BDP1: variants seen among roughly 807,000 people sequenced by gnomAD.
BDP1 encodes the protein transcription factor TFIIIB component B'' homolog.
BDP1 carries 169 observed loss-of-function variants against 266.6 expected under a neutral mutation model. The ratio of observed to expected loss-of-function variants is 0.63; its 90% CI spans 0.56 to 0.72. The LOEUF is 0.72. BDP1 is among the 30% of genes least tolerant of loss of function. The pLI is 0.00. For synonymous variants in BDP1, 1,090 were observed against 1,022.4 expected (o/e 1.07, Z -1.26); for missense variants, 3,015 against 3,053.8 (o/e 0.99, Z 0.30).
chr5:71,522,617 C>G, intron 23 of BDP1, 127 bp downstream of exon 23: 1 of 1,166,506 alleles, frequency 8.6e-7, no homozygotes, highest in Non-Finnish European at 1.2e-6. Flanking sequence ...TGAAAAGTGA[C>G]TTTCTAGTGT....
chr5:71,544,451 A>C lies in BDP1; in HGVS notation c.6507A>C (p.Ala2169=), dbSNP rs373970191. 42 of 1,614,054 alleles carry C rather than the reference A, an allele frequency of 2.6e-5. No individual in the cohort carries two copies. Among genetic ancestry groups the C allele is most frequent in the Non-Finnish European group, 3.5e-5 (41 of 1,180,008 alleles). Residue 2169 remains alanine, a synonymous_variant, in exon 31 of 39, where the codon GCA becomes GCC. Transcript: ENST00000358731. ...TAENKDQSKL[A]CVHGIKGTSI... is the part of the protein sequence containing the mutation. ...AGAATAAGGATCAGAGCAAATTGGC[A>C]TGTGTACATGGTATCAAAGGGACCA...
intron 13 of BDP1, among the ~76,000 whole-genome samples, chr5:71,498,649 C>T (rs941850635): frequency 6.6e-6 from 1 of 151,630 alleles, no homozygotes; most frequent in Non-Finnish European, 1.5e-5. Context: ...GTCTCGAACT[C>T]CTGACCTCAT....
In BDP1 at chr5:71,545,021, T is replaced by C. The variant is rs1356910328; in HGVS notation, c.6564-18T>C. On this transcript the variant is annotated intron_variant, in intron 31 of 38. Coordinates refer to ENST00000358731, the MANE Select transcript of BDP1 (RefSeq NM_018429.3). ...TTTGCCTGATTTCAAATGACATGCA[T>C]GCTAAACTCTCTTTCAGAAACGAAA... 4 of 1,611,522 alleles carry C rather than the reference T, an allele frequency of 2.5e-6. No homozygotes were observed. The highest frequency in any genetic ancestry group is 1.3e-5 in the African/African-American group (1 of 74,728).
At chr5:71,467,600 C>T (rs1326251608) in intron 6 of BDP1, 113 bp downstream of exon 6, 8 of 881,412 alleles carry the variant, frequency 9.1e-6, no homozygotes, top group Non-Finnish European at 1.4e-5. Context: ...CCATTTTATT[C>T]CAGCTAATTT....
chr5:71,576,855 A>G, the BDP1 span, among the ~76,000 whole-genome samples: 1 of 152,214 alleles, frequency 6.6e-6, no homozygotes, highest in African/African-American at 2.4e-5. Flanking sequence ...GGACCAATTC[A>G]AAAGATGATA....
At chr5:71,489,327 C>G in intron 9 of BDP1, 77 bp from the exon 10 acceptor site, 11 of 1,074,828 alleles carry the variant, frequency 1.0e-5, no homozygotes, top group Middle Eastern at 2.6e-4. Context: ...CAGAGGACAT[C>G]TTTGAGTCTC....
intron 26 of BDP1, among the ~76,000 whole-genome samples, chr5:71,535,414 A>T (rs547716209): frequency 3.4e-4 from 51 of 152,180 alleles, no homozygotes; most frequent in African/African-American, 1.2e-3. Flanking sequence ...CATGTTGGTC[A>T]GGCTGGTCTC....
chr5:71,541,670 C>T lies in BDP1; in HGVS notation c.6239C>T (p.Ala2080Val). The T allele has an allele frequency of 3.8e-6, 6 of 1,569,588 alleles. No homozygotes were observed. The highest frequency in any genetic ancestry group is 4.3e-6 in the Non-Finnish European group (5 of 1,157,516). Residue 2080 changes from alanine (A) to valine (V), a missense_variant, in exon 29 of 39, where the codon GCT becomes GTT. Coordinates refer to ENST00000358731, the MANE Select transcript of BDP1 (RefSeq NM_018429.3). The part of the protein sequence containing the change: ...ISLMEKVKEN[A>V]TPTRNTISKV... ...TTAATGGAGAAAGTAAAGGAGAATGCTACACCAACCAGGTTTATTTTAGTA... is the reference window on the plus strand; with the variant it reads ...TTAATGGAGAAAGTAAAGGAGAATGTTACACCAACCAGGTTTATTTTAGTA...
At chr5:71,572,847 A>G in the BDP1 span, among the ~76,000 whole-genome samples, 1 of 152,204 alleles carries the variant, frequency 6.6e-6, no homozygotes, top group African/African-American at 2.4e-5. Flanking sequence ...CTGTACTTCT[A>G]CCATTAGCTC....
chr5:71,556,786 G>A, intron 35 of BDP1, 100 bp from the exon 36 acceptor site: 2 of 568,754 alleles, frequency 3.5e-6, no homozygotes, highest in Admixed American at 4.1e-5. Flanking sequence ...CTTTTTGGGA[G>A]ATAACATAGT....
In BDP1 at chr5:71,539,077, A is replaced by G. The variant is rs748872520; in HGVS notation, c.5928A>G (p.Pro1976=). Residue 1976 remains proline (P), a splice_region_variant and synonymous_variant, in exon 27 of 39, where the codon CCA becomes CCG. Coordinates refer to ENST00000358731, the MANE Select transcript of BDP1 (RefSeq NM_018429.3). ...CAAGTGAACATATCCAAGATGAACC[A>G]GGTAACTGTTATCAAGGAAACTGCT... ...MTTSEHIQDE[P]GTNDGSTEAA... is the part of the protein sequence containing the mutation. 6 of 1,600,866 alleles carry G rather than the reference A, an allele frequency of 3.7e-6. No individual in the cohort carries two copies. Among genetic ancestry groups the G allele is most frequent in the Non-Finnish European group, 5.1e-6 (6 of 1,171,766 alleles).
the BDP1 span, among the ~76,000 whole-genome samples, chr5:71,576,587 A>G: frequency 6.6e-6 from 1 of 152,154 alleles, no homozygotes; most frequent in East Asian, 1.9e-4. Context: ...CCCTCCATAG[A>G]CCCAGTGTCT....
intron 35 of BDP1, among the ~76,000 whole-genome samples, chr5:71,556,245 T>G (rs1371514564): frequency 6.6e-6 from 1 of 152,170 alleles, no homozygotes; most frequent in East Asian, 1.9e-4. Context: ...AAATATAATT[T>G]TAATTCTTCT....
chr5:71,525,861 G>A (rs183055376), intron 25 of BDP1, among the ~76,000 whole-genome samples: 9 of 151,836 alleles, frequency 5.9e-5, no homozygotes, highest in African/African-American at 2.2e-4. Flanking sequence ...GGGCGGAGGG[G>A]CTGCTCACTT....
intron 25 of BDP1, among the ~76,000 whole-genome samples, chr5:71,529,297 G>A (rs923981921): frequency 9.9e-5 from 15 of 152,190 alleles, no homozygotes; most frequent in Non-Finnish European, 1.8e-4. Flanking sequence ...GGCTGAGGCA[G>A]GATAATCGCT....
intron 16 of BDP1, among the ~76,000 whole-genome samples, chr5:71,506,846 G>T (rs1468194274): frequency 6.8e-6 from 1 of 146,646 alleles, no homozygotes; most frequent in Non-Finnish European, 1.5e-5. Context: ...TAAAGACAAG[G>T]GTCTTGCTCT....
chr5:71,546,680 C>A (rs976142368), intron 32 of BDP1, among the ~76,000 whole-genome samples: 2 of 147,374 alleles, frequency 1.4e-5, no homozygotes, highest in African/African-American at 5.0e-5. Context: ...TAGGTTGAGT[C>A]CATAAATACC....
intron 20 of BDP1, 112 bp from the exon 21 acceptor site, chr5:71,515,949 C>A: frequency 3.0e-6 from 2 of 672,662 alleles, no homozygotes; most frequent in Middle Eastern, 3.6e-4. Context: ...TTTAATGGTA[C>A]AAAGTATTTT....
At chr5:71,544,316 T>C (rs753040573) in intron 30 of BDP1, 41 bp from the exon 31 acceptor site, 1 of 1,569,760 alleles carries the variant, frequency 6.4e-7, no homozygotes. Flanking sequence ...ATTTTAGCTG[T>C]ATTATTTTGG....
Sources: allele counts gnomAD v4.1 joint callset (sites outside exome capture counted in the v4.1 genomes callset), GRCh38; gene constraint gnomAD v4.1.1; transcripts MANE v1.5; gene names NCBI Gene and HGNC (gene_info 2026-07-23, HGNC 2026-07-21).